Variants in MYOM1 observed in about 807,000 individuals in gnomAD.
The protein encoded by MYOM1 is myomesin 1, also known as myomesin-1.
In MYOM1, 164 loss-of-function variants were observed where a neutral mutation model predicts 205.3. That is an observed-to-expected ratio of 0.80 (90% CI 0.70 to 0.91). The LOEUF (loss-of-function observed/expected upper bound fraction) is 0.91, where lower values mean the gene tolerates loss of function less well. MYOM1 is among the 40% of genes least tolerant of loss of function. The probability of loss-of-function intolerance (pLI) is 0.00; values close to 1 mark genes in which losing one functional copy is unlikely to be tolerated. For missense variants in MYOM1, 2,011 were observed against 2,127.3 expected (o/e 0.95, Z 1.08); for synonymous variants, 772 against 789.4 (o/e 0.98, Z 0.37).
intron 20 of MYOM1, among the ~76,000 whole-genome samples, chr18:3,117,382 C>G (rs905777482): frequency 2.6e-5 from 4 of 152,210 alleles, no homozygotes; most frequent in Admixed American, 2.6e-4. Flanking sequence ...AATCCTTTTA[C>G]CAAATTAAAT....
chr18:3,169,048 AGCACAGGCAGAAAGCAGTCACAGC>A, intron 8 of MYOM1, 67 bp from the exon 9 acceptor site: 1 of 1,408,230 alleles, frequency 7.1e-7, no homozygotes, highest in South Asian at 1.3e-5. Context: ...CATTTTAATA[AGCACAGGCAGAAAGCAGTCACAGC>A]AAAAAAAAAA....
At chr18:3,235,999 TATGGCTGAGC>T in the MYOM1 span, among the ~76,000 whole-genome samples, 1 of 152,128 alleles carries the variant, frequency 6.6e-6, no homozygotes, top group African/African-American at 2.4e-5. Flanking sequence ...AGGATGTCAA[TATGGCTGAGC>T]AGACTGGGGA....
chr18:3,177,663 G>C (rs2080667574), intron 5 of MYOM1, among the ~76,000 whole-genome samples: 1 of 151,926 alleles, frequency 6.6e-6, no homozygotes. Flanking sequence ...AGTACAGATG[G>C]GGTTTCACCA....
chr18:3,233,438 C>T, the MYOM1 span, among the ~76,000 whole-genome samples: 4 of 152,092 alleles, frequency 2.6e-5, no homozygotes, highest in African/African-American at 9.7e-5. Context: ...GAAGCATGTC[C>T]CCTTACCCGC....
chr18:3,173,573 C>CGTGTGT (rs71159051), intron 8 of MYOM1, among the ~76,000 whole-genome samples: 1,414 of 136,968 alleles, frequency 0.01, 17 homozygotes, highest in Admixed American at 0.028. Context: ...AGTCCAGACT[C>CGTGTGT]GTGTGTGTGT....
At chr18:3,221,495 G>A (rs906753123), upstream of MYOM1, among the ~76,000 whole-genome samples, 17 of 152,134 alleles carry the variant, frequency 1.1e-4, no homozygotes, top group African/African-American at 2.4e-4. Flanking sequence ...TCATTACCCC[G>A]TTGAGGAAAG....
intron 10 of MYOM1, 114 bp from the exon 11 acceptor site, chr18:3,155,202 C>T: frequency 1.9e-6 from 2 of 1,068,952 alleles, no homozygotes; most frequent in Non-Finnish European, 2.5e-6. Flanking sequence ...ATCTTTGGCC[C>T]CAACGCAGCA....
the MYOM1 span, among the ~76,000 whole-genome samples, chr18:3,244,084 G>A: frequency 1.3e-5 from 2 of 152,236 alleles, no homozygotes; most frequent in East Asian, 1.9e-4. Context: ...GCTGAATAAC[G>A]TTCTGTTGTC....
chr18:3,143,900 CAAAAAAAAAAA>C (rs55830599), intron 13 of MYOM1, among the ~76,000 whole-genome samples: 6 of 49,370 alleles, frequency 1.2e-4, no homozygotes, highest in African/African-American at 5.1e-4. Context: ...GACCCTGTCT[CAAAAAAAAAAA>C]AAAAAAAAAA....
At chr18:3,112,167 T>C in intron 22 of MYOM1, 131 bp downstream of exon 22, 1 of 712,660 alleles carries the variant, frequency 1.4e-6, no homozygotes, top group South Asian at 2.0e-5. Flanking sequence ...TCTAAGATCA[T>C]TACTTATCAA....
intron 17 of MYOM1, among the ~76,000 whole-genome samples, chr18:3,130,058 T>C (rs2079852496): frequency 6.6e-6 from 1 of 151,936 alleles, no homozygotes; most frequent in African/African-American, 2.4e-5. Context: ...CTTCTTTTTT[T>C]TTTTTTTGGA....
intron 13 of MYOM1, among the ~76,000 whole-genome samples, chr18:3,145,730 C>A (rs541735126): frequency 4.6e-5 from 7 of 151,508 alleles, no homozygotes; most frequent in Non-Finnish European, 8.8e-5. Flanking sequence ...AAGAAAAAAA[C>A]CCAGCAAATT....
chr18:3,240,151 A>C, the MYOM1 span, among the ~76,000 whole-genome samples: 8 of 152,214 alleles, frequency 5.3e-5, no homozygotes, highest in African/African-American at 1.9e-4. Flanking sequence ...AGTAAATGTA[A>C]TTTAATCACT....
chr18:3,226,559 G>A, the MYOM1 span, among the ~76,000 whole-genome samples: 7 of 152,128 alleles, frequency 4.6e-5, 1 homozygote, highest in African/African-American at 9.6e-5. The surrounding 1 kb of genome is among the most constrained non-coding windows in gnomAD (Gnocchi z 4.6). Flanking sequence ...CTGCCAACAC[G>A]CGCACACTTC....
intron 25 of MYOM1, among the ~76,000 whole-genome samples, chr18:3,099,847 G>A (rs1420993281): frequency 6.6e-6 from 1 of 152,176 alleles, no homozygotes; most frequent in African/African-American, 2.4e-5. Context: ...ATATATATGT[G>A]ATTCCAACAT....
intron 2 of MYOM1, among the ~76,000 whole-genome samples, chr18:3,202,357 T>TA (rs1171024441): frequency 3.5e-5 from 5 of 141,834 alleles, no homozygotes; most frequent in African/African-American, 1.5e-4. Context: ...GTAAATGGAA[T>TA]AAAAAACTCC....
the MYOM1 span, among the ~76,000 whole-genome samples, chr18:3,236,693 G>A: frequency 8.5e-4 from 130 of 152,324 alleles, no homozygotes; most frequent in African/African-American, 2.6e-3. Flanking sequence ...GGTTAGATAT[G>A]TGAGTCTGGA....
At chr18:3,151,220 T>A (rs2080216215) in intron 12 of MYOM1, among the ~76,000 whole-genome samples, 1 of 151,632 alleles carries the variant, frequency 6.6e-6, no homozygotes, top group Non-Finnish European at 1.5e-5. Flanking sequence ...TGTTTTTCCT[T>A]TGATATAGAG....
Position 3,197,872 on chromosome 18 carries a change from C to CAAA in MYOM1, c.291-3917_291-3915dup, listed in dbSNP as rs200265344. 5.9e-5 allele frequency among the ~76,000 whole-genome samples: 9 copies of CAAA among 151,608 alleles called. No individual in the cohort carries two copies. In the South Asian group the frequency reaches 1.5e-3, roughly 25 times the overall value. ...TGGGTGACAGAGCGAGACTCCATCT[C>CAAA]AAAAAAGAAAAAGAAAAAGAAAAAG... On this transcript the variant is annotated intron_variant, in intron 2 of 37. Transcript: ENST00000356443.
Sources: allele counts gnomAD v4.1 joint callset (sites outside exome capture counted in the v4.1 genomes callset), GRCh38; gene constraint gnomAD v4.1.1; non-coding constraint Gnocchi (gnomAD v3.1); transcripts MANE v1.5; gene names NCBI Gene and HGNC (gene_info 2026-07-23, HGNC 2026-07-21).